CDCA5: variants seen among roughly 807,000 people sequenced by gnomAD.
CDCA5 encodes the protein cell division cycle associated 5.
CDCA5 carries 14 observed loss-of-function variants against 25.7 expected under a neutral mutation model. The observed-to-expected ratio is 0.54, with a 90% CI of 0.36 to 0.85. The LOEUF (loss-of-function observed/expected upper bound fraction) is 0.85, where lower values mean the gene tolerates loss of function less well. Among genes scored for constraint, CDCA5 ranks in the 40% least tolerant of loss-of-function variants. The probability of loss-of-function intolerance (pLI) is 0.01; values close to 1 mark genes in which losing one functional copy is unlikely to be tolerated. For synonymous variants in CDCA5, 127 were observed against 128.7 expected (o/e 0.99, Z 0.09); for missense variants, 307 against 324.5 (o/e 0.95, Z 0.41).
chr11:65,073,613 C>T (rs1307733647), downstream of CDCA5, among the ~76,000 whole-genome samples: 1 of 152,248 alleles, frequency 6.6e-6, no homozygotes, highest in African/African-American at 2.4e-5. Flanking sequence ...GCCTGGACAC[C>T]AGCCTCGGCC....
At chr11:65,083,295 C>T in intron 4 of CDCA5, 69 bp downstream of exon 4, 1 of 1,575,574 alleles carries the variant, frequency 6.3e-7, no homozygotes, top group Non-Finnish European at 8.7e-7. Flanking sequence ...ATGTGAGGAG[C>T]CAATGTGTGC....
At position 65,077,992 on chromosome 11, in the gene CDCA5, A is replaced by T; in HGVS notation, c.*1115T>A. The T allele has an allele frequency of 1.0e-6, 1 of 985,518 alleles. No individual in the cohort carries two copies. Among genetic ancestry groups the T allele is most frequent in the Non-Finnish European group, 1.2e-6 (1 of 829,968 alleles). 61.0% of individuals were successfully genotyped at this position (985,518 alleles called of 1,614,324 possible). A position where few individuals can be genotyped will look rare whatever the true frequency, so the allele number is the denominator to read the frequency against. Reference sequence around the variant, plus strand: ...ACTATTGAATCCACACGATGGAAAGAAGAGAAAGATGGGGAAATTCTCCAG... The same window carrying T: ...ACTATTGAATCCACACGATGGAAAGTAGAGAAAGATGGGGAAATTCTCCAG... On this transcript the variant is annotated 3_prime_UTR_variant, in exon 6 of 6. Coordinates refer to ENST00000275517, the MANE Select transcript of CDCA5 (RefSeq NM_080668.4).
chr11:65,063,043 C>T (rs779166483), downstream of CDCA5, among the ~76,000 whole-genome samples: 1 of 152,214 alleles, frequency 6.6e-6, no homozygotes, highest in Admixed American at 6.5e-5. Flanking sequence ...AGCAACTCAA[C>T]ACTCCTGCTC....
intron 4 of CDCA5, among the ~76,000 whole-genome samples, chr11:65,081,119 G>A (rs563604520): frequency 1.3e-5 from 2 of 152,208 alleles, no homozygotes; most frequent in Middle Eastern, 3.4e-3. Context: ...AGAAACTGAA[G>A]ATGAAGTTCA....
In CDCA5 at chr11:65,078,939, C is replaced by T; in HGVS notation, c.*168G>A. On this transcript the variant is annotated 3_prime_UTR_variant, in exon 6 of 6. Coordinates refer to ENST00000275517, the MANE Select transcript of CDCA5 (RefSeq NM_080668.4). ...GCCCCATTTCCTAAAACCAAGATGG[C>T]TGCCGCTGCTGCCCAAGCCCTCAAA... The T allele has an allele frequency of 7.9e-7, 1 of 1,258,106 alleles. No homozygotes were observed. Among genetic ancestry groups the T allele is most frequent in the Non-Finnish European group, 1.0e-6 (1 of 1,003,238 alleles). The allele number at this position is 1,258,106 out of a possible 1,614,324, so 77.9% of individuals were successfully genotyped here.
chr11:65,075,062 C>CA (rs56076033), downstream of CDCA5, among the ~76,000 whole-genome samples: 744 of 66,106 alleles, frequency 0.011, 13 homozygotes, highest in African/African-American at 0.034. Flanking sequence ...AACTCCGTCT[C>CA]AAAAAAAAAA....
At chr11:65,071,644 T>G (rs1003491052) in intron 1 of CDCA5, among the ~76,000 whole-genome samples, 4 of 152,220 alleles carry the variant, frequency 2.6e-5, no homozygotes, top group African/African-American at 9.6e-5. Context: ...GATTCAGGCT[T>G]AAGTGGGCAT....
downstream of CDCA5, among the ~76,000 whole-genome samples, chr11:65,073,530 G>A (rs1054370646): frequency 3.9e-5 from 6 of 152,176 alleles, no homozygotes; most frequent in African/African-American, 1.2e-4. Flanking sequence ...AAAGACACGA[G>A]AGGCAGAGAG....
At chr11:65,082,685 C>T (rs919029792) in intron 4 of CDCA5, among the ~76,000 whole-genome samples, 1 of 152,040 alleles carries the variant, frequency 6.6e-6, no homozygotes, top group African/African-American at 2.4e-5. Context: ...TGGTCTTAAA[C>T]TCTTGACCAC....
At chr11:65,083,309 C>G in intron 4 of CDCA5, 55 bp downstream of exon 4, 1 of 1,603,832 alleles carries the variant, frequency 6.2e-7, no homozygotes, top group Non-Finnish European at 8.5e-7. Flanking sequence ...TGTGTGCTGT[C>G]CAGCTCTAGA....
chr11:65,080,861 G>A (rs1293099583), intron 4 of CDCA5, among the ~76,000 whole-genome samples: 1 of 152,230 alleles, frequency 6.6e-6, no homozygotes, highest in African/African-American at 2.4e-5. Context: ...TATGTTAGCA[G>A]TATCAAGCAC....
At chr11:65,083,902 A>G (rs1204983584) in intron 1 of CDCA5, 31 bp downstream of exon 1, 1 of 1,608,864 alleles carries the variant, frequency 6.2e-7, no homozygotes. Context: ...AAACGGCTCG[A>G]CCTCACGTCT....
chr11:65,061,598 GC>G (rs1554986126), downstream of CDCA5, among the ~76,000 whole-genome samples: 1 of 151,814 alleles, frequency 6.6e-6, no homozygotes, highest in Non-Finnish European at 1.5e-5. Context: ...CATGGTGAAA[GC>G]CCGTCTCTAC....
chr11:65,066,446 G>A (rs1315110410), exon 7 of CDCA5: 9 of 1,279,118 alleles, frequency 7.0e-6, no homozygotes, highest in Non-Finnish European at 9.2e-6. Context: ...GCTTGAAGAG[G>A]AGACCTGCCT....
At chr11:65,064,395 G>A (rs955364382), downstream of CDCA5, among the ~76,000 whole-genome samples, 10 of 147,240 alleles carry the variant, frequency 6.8e-5, no homozygotes, top group African/African-American at 2.0e-4. Context: ...TGTAGCGTGG[G>A]CGACAGAACA....
intron 1 of CDCA5, among the ~76,000 whole-genome samples, chr11:65,069,345 C>T (rs1171759085): frequency 2.0e-5 from 3 of 151,912 alleles, no homozygotes; most frequent in African/African-American, 4.8e-5. Flanking sequence ...CAGACATGGT[C>T]CTTCTTCACA....
intron 4 of CDCA5, among the ~76,000 whole-genome samples, chr11:65,082,338 C>T (rs1947585399): frequency 6.6e-6 from 1 of 152,144 alleles, no homozygotes; most frequent in Admixed American, 6.6e-5. Flanking sequence ...TAGGGTGCTT[C>T]CTCCCCTGCT....
exon 6 of CDCA5, chr11:65,066,646 C>T (rs535434792): frequency 1.1e-4 from 142 of 1,289,248 alleles, no homozygotes; most frequent in Non-Finnish European, 1.4e-4. Flanking sequence ...ATGGCCTGGG[C>T]TCCCTCCTTC....
At chr11:65,082,973 A>G (rs1947604031) in intron 4 of CDCA5, among the ~76,000 whole-genome samples, 1 of 152,088 alleles carries the variant, frequency 6.6e-6, no homozygotes, top group Non-Finnish European at 1.5e-5. Flanking sequence ...CTCAGTCAGT[A>G]TGTCTTCAGA....
Sources: allele counts gnomAD v4.1 joint callset (sites outside exome capture counted in the v4.1 genomes callset), GRCh38; gene constraint gnomAD v4.1.1; transcripts MANE v1.5; gene names NCBI Gene and HGNC (gene_info 2026-07-23, HGNC 2026-07-21).